Variants in RSBN1 observed in about 807,000 individuals in gnomAD.
The protein encoded by RSBN1 is lysine-specific demethylase 9.
In RSBN1, 23 loss-of-function variants were observed where a neutral mutation model predicts 74.8. That is an observed-to-expected ratio of 0.31 (90% CI 0.22 to 0.44). The LOEUF (loss-of-function observed/expected upper bound fraction) is 0.44, where lower values mean the gene tolerates loss of function less well. RSBN1 is among the 20% of genes least tolerant of loss of function. RSBN1 has a pLI of 1.00. For synonymous variants in RSBN1, 407 were observed against 379.6 expected, an observed-to-expected ratio of 1.07 and a Z score of -0.84; for missense variants, 808 against 1,020.9, an observed-to-expected ratio of 0.79 and a Z score of 2.84.
chr1:113,762,593 G>A lies in RSBN1; in HGVS notation c.*3387C>T, dbSNP rs1033394587. The A allele has an allele frequency of 6.5e-6, 1 of 152,722 alleles. No homozygotes were observed. The highest frequency in any genetic ancestry group is 1.9e-4 in the East Asian group (1 of 5,344). 9.5% of individuals were successfully genotyped at this position (152,722 alleles called of 1,614,324 possible). ...ACAAAATTATCCTAAAGGCATAAAT[G>A]CAAATAAATTTTTTATGGCAAATAC... On this transcript the variant is annotated 3_prime_UTR_variant, in exon 7 of 7. Coordinates refer to ENST00000261441, the MANE Select transcript of RSBN1 (RefSeq NM_018364.5).
At chr1:113,783,845 G>C (rs2101804323) in intron 2 of RSBN1, among the ~76,000 whole-genome samples, 2 of 152,298 alleles carry the variant, frequency 1.3e-5, no homozygotes, top group Admixed American at 1.3e-4. Context: ...GAACAGAGTT[G>C]CTTACCTCGG....
chr1:113,789,783 T>C (rs1343373603), intron 2 of RSBN1, among the ~76,000 whole-genome samples: 5 of 152,226 alleles, frequency 3.3e-5, no homozygotes, highest in Admixed American at 2.6e-4. Context: ...TTGATTGCTG[T>C]TGTTTGAGAG....
In RSBN1 at chr1:113,797,369, G is replaced by A; in HGVS notation, c.1371C>T (p.His457=). The change falls in exon 2 of 7, where the codon CAC becomes CAT. Residue 457 remains histidine, a synonymous_variant. Coordinates refer to ENST00000261441, the MANE Select transcript of RSBN1 (RefSeq NM_018364.5). ...ACAACAATTTTTATCTTACCTGAGTGTGAAAATTTGAAATGGTGGTTGTTT... is the reference window on the plus strand; with the variant it reads ...ACAACAATTTTTATCTTACCTGAGTATGAAAATTTGAAATGGTGGTTGTTT... ...DIETTTISNF[H]TQVNRTYCCG... The A allele has an allele frequency of 1.2e-6, 2 of 1,605,830 alleles. No homozygotes were observed. The highest frequency in any genetic ancestry group is 1.7e-6 in the Non-Finnish European group (2 of 1,176,886).
At chr1:113,768,048 G>GT in intron 5 of RSBN1, 174 bp downstream of exon 5, 1 of 481,926 alleles carries the variant, frequency 2.1e-6, no homozygotes, top group Non-Finnish European at 3.6e-6. Flanking sequence ...GCTCTGTTTC[G>GT]TAACAATGTA....
intron 2 of RSBN1, among the ~76,000 whole-genome samples, chr1:113,779,665 A>C (rs1557997449): frequency 6.6e-6 from 1 of 152,206 alleles, no homozygotes; most frequent in East Asian, 1.9e-4. Flanking sequence ...CTCTAAAACA[A>C]CTAAAGTAGA....
In RSBN1 at chr1:113,811,906, G is replaced by C; in HGVS notation, c.507C>G (p.Ala169=). Residue 169 remains alanine, a synonymous_variant, in exon 1 of 7, where the codon GCC becomes GCG. Coordinates refer to ENST00000261441, the MANE Select transcript of RSBN1 (RefSeq NM_018364.5). ...AAPLPAPSTS[A]LFTFSPLTVS... ...CCGTCAGAGGCGAGAAGGTGAAGAG[G>C]GCCGAGGTGCTTGGGGCCGGGAGAG... 1.9e-6 allele frequency: 3 copies of C among 1,609,782 alleles called. No individual in the cohort carries two copies. Among genetic ancestry groups the C allele is most frequent in the Non-Finnish European group, 2.5e-6 (3 of 1,177,858 alleles).
chr1:113,762,159 A>G lies in RSBN1; in HGVS notation c.*3821T>C, dbSNP rs770204359. Reference sequence around the variant, plus strand: ...ACAGGAAAAAAAGTCTTAGCTGCCAATCAAAATGGAGTTTACTCACAGAAA... The same window carrying G: ...ACAGGAAAAAAAGTCTTAGCTGCCAGTCAAAATGGAGTTTACTCACAGAAA... On this transcript the variant is annotated 3_prime_UTR_variant, in exon 7 of 7. Coordinates refer to ENST00000261441, the MANE Select transcript of RSBN1 (RefSeq NM_018364.5). 6.5e-6 allele frequency: 1 copy of G among 152,816 alleles called. No homozygotes were observed. The highest frequency in any genetic ancestry group is 6.5e-5 in the Admixed American group (1 of 15,286). The allele number at this position is 152,816 out of a possible 1,614,324, so 9.5% of individuals were successfully genotyped here.
chr1:113,774,538 A>G (rs1571296634), intron 4 of RSBN1, among the ~76,000 whole-genome samples: 2 of 152,196 alleles, frequency 1.3e-5, no homozygotes, highest in African/African-American at 4.8e-5. Context: ...TTAGCCGGGC[A>G]TCATAGCGGG....
intron 2 of RSBN1, among the ~76,000 whole-genome samples, chr1:113,792,078 T>A (rs1417963940): frequency 6.6e-6 from 1 of 152,168 alleles, no homozygotes; most frequent in Admixed American, 6.5e-5. Context: ...ATAAAAGTAA[T>A]ATAAGAAATA....
At chr1:113,788,729 A>G (rs1660306835) in intron 2 of RSBN1, among the ~76,000 whole-genome samples, 1 of 152,186 alleles carries the variant, frequency 6.6e-6, no homozygotes, top group Non-Finnish European at 1.5e-5. Context: ...AATTCAGGCA[A>G]GAGTCATGGA....
At chr1:113,805,067 A>C (rs1191101977) in intron 1 of RSBN1, among the ~76,000 whole-genome samples, 1 of 152,116 alleles carries the variant, frequency 6.6e-6, no homozygotes, top group Non-Finnish European at 1.5e-5. Context: ...ACTAAGAATA[A>C]TTAAAAAGAA....
At chr1:113,792,516 G>A (rs373973756) in intron 2 of RSBN1, among the ~76,000 whole-genome samples, 8 of 152,108 alleles carry the variant, frequency 5.3e-5, no homozygotes, top group African/African-American at 1.4e-4. Context: ...TAGCCTAGAC[G>A]ACATAGTGAG....
intron 2 of RSBN1, among the ~76,000 whole-genome samples, chr1:113,778,110 T>G (rs1018212460): frequency 6.6e-6 from 1 of 152,172 alleles, no homozygotes; most frequent in Non-Finnish European, 1.5e-5. Flanking sequence ...TGTAATATTT[T>G]AGAGTGTGAT....
At chr1:113,798,077 G>A in intron 1 of RSBN1, 41 bp from the exon 2 acceptor site, 1 of 1,521,048 alleles carries the variant, frequency 6.6e-7, no homozygotes, top group Non-Finnish European at 8.9e-7. Flanking sequence ...GCTAGGACTA[G>A]TGTCAACATA....
rs192278191 is a variant in RSBN1 at position 113,763,729 on chromosome 1, G to A, written c.*2251C>T. On this transcript the variant is annotated 3_prime_UTR_variant, in exon 7 of 7. Transcript: ENST00000261441. ...CTTTTAATGTGTTTATATTGGAGGT[G>A]AGGGTAGAATGTTTTATAAAAGGAA... is the stretch of plus-strand genomic sequence containing the variant. 6.7e-6 allele frequency: 1 copy of A among 148,884 alleles called. No individual in the cohort carries two copies. Among genetic ancestry groups the A allele is most frequent in the Admixed American group, 6.9e-5 (1 of 14,390 alleles). The allele number at this position is 148,884 out of a possible 1,614,324, so 9.2% of individuals were successfully genotyped here. A position where few individuals can be genotyped will look rare whatever the true frequency, so the allele number is the denominator to read the frequency against.
In RSBN1 at chr1:113,768,251, T is replaced by C. The variant is rs1487811354; in HGVS notation, c.1797A>G (p.Gly599=). The change falls in exon 5 of 7, where the codon GGA becomes GGG. Residue 599 remains glycine, a synonymous_variant. Transcript: ENST00000261441. The stretch of plus-strand genomic sequence containing the variant: ...CACCAAATTGTACAGCTTTCAAAAC[T>C]CCAACAGCAGCCGTACTCTGCCAGT... ...GFDWQSTAAV[G]VLKAVQFGEW... The C allele has an allele frequency of 4.3e-6, 7 of 1,611,390 alleles. No homozygotes were observed. Among genetic ancestry groups the C allele is most frequent in the Non-Finnish European group, 5.9e-6 (7 of 1,178,958 alleles).
chr1:113,775,385 A>T (rs1660004468), intron 4 of RSBN1, among the ~76,000 whole-genome samples: 1 of 150,452 alleles, frequency 6.6e-6, no homozygotes, highest in Admixed American at 6.7e-5. Flanking sequence ...TCTGTCGTCC[A>T]GGCTGGAGTG....
intron 4 of RSBN1, among the ~76,000 whole-genome samples, chr1:113,776,882 C>T (rs968115420): frequency 2.0e-5 from 3 of 150,766 alleles, no homozygotes; most frequent in East Asian, 1.9e-4. Flanking sequence ...AAAGTGAATT[C>T]GGTATGGCCG....
At position 113,812,138 on chromosome 1, in the gene RSBN1, C is replaced by G. The variant is rs1443245621; in HGVS notation, c.275G>C (p.Ser92Thr). ...CCGCTTCTCCTGAGACCCCCCACTGCTAGATCGGCGCTGCCGTTTAACTCC... is the reference window on the plus strand; with the variant it reads ...CCGCTTCTCCTGAGACCCCCCACTGGTAGATCGGCGCTGCCGTTTAACTCC... The part of the protein sequence containing the change: ...PRGVKRQRRS[S>T]SGGSQEKRGR... The change falls in exon 1 of 7, where the codon AGC becomes ACC. Residue 92 changes from serine to threonine, a missense_variant. Physicochemically the swap from Ser to Thr is moderately conservative, Grantham distance 58. Coordinates refer to ENST00000261441, the MANE Select transcript of RSBN1 (RefSeq NM_018364.5). The G allele has an allele frequency of 2.5e-6, 4 of 1,609,590 alleles. No individual in the cohort carries two copies. Among genetic ancestry groups the G allele is most frequent in the East Asian group, 4.5e-5 (2 of 44,808 alleles).
Sources: gnomAD v4.1 joint callset for allele counts (sites outside exome capture counted in the v4.1 genomes callset) on GRCh38, gnomAD v4.1.1 for gene constraint, MANE v1.5 for transcripts, NCBI Gene and HGNC (gene_info 2026-07-23, HGNC 2026-07-21) for gene names.